PDE4D: variants seen among roughly 807,000 people sequenced by gnomAD.
PDE4D encodes 3',5'-cyclic-AMP phosphodiesterase 4D.
PDE4D carries 24 observed loss-of-function variants against 87.4 expected under a neutral mutation model. That is an observed-to-expected ratio of 0.27 (90% CI 0.20 to 0.39). The LOEUF is 0.39. Among genes scored for constraint, PDE4D ranks in the 10% least tolerant of loss-of-function variants. The probability of loss-of-function intolerance (pLI) is 1.00; values close to 1 mark genes in which losing one functional copy is unlikely to be tolerated. For synonymous variants in PDE4D, 384 were observed against 383.2 expected, an observed-to-expected ratio of 1.00 and a Z score of -0.02; for missense variants, 714 against 1,041.0, an observed-to-expected ratio of 0.69 and a Z score of 4.32.
chr5:59,536,926 C>G (rs1815383717), intron 1 of PDE4D, among the ~76,000 whole-genome samples: 1 of 152,084 alleles, frequency 6.6e-6, no homozygotes, highest in African/African-American at 2.4e-5. Context: ...CAAATATATA[C>G]TTGGTATATG....
intron 1 of PDE4D, among the ~76,000 whole-genome samples, chr5:59,574,871 T>C (rs1822869854): frequency 6.6e-6 from 1 of 152,156 alleles, no homozygotes; most frequent in South Asian, 2.1e-4. Flanking sequence ...AAACTACATA[T>C]AATGATATAA....
chr5:59,680,651 G>C (rs1316350434), intron 1 of PDE4D, among the ~76,000 whole-genome samples: 1 of 152,100 alleles, frequency 6.6e-6, no homozygotes, highest in Non-Finnish European at 1.5e-5. Flanking sequence ...CATAAATAAT[G>C]CTAAAAGTCT....
At chr5:60,356,297 T>C (rs1357077390) in intron 1 of PDE4D, among the ~76,000 whole-genome samples, 1 of 152,178 alleles carries the variant, frequency 6.6e-6, no homozygotes, top group Non-Finnish European at 1.5e-5. Flanking sequence ...CCCCAATAAT[T>C]ACCTTGAACA....
chr5:59,649,966 A>G lies in PDE4D; in HGVS notation c.455+243202T>C, dbSNP rs1580153116. The stretch of plus-strand genomic sequence containing the variant: ...CCCAATGTCACTGTAGTGTTTCTTC[A>G]GAACTGCTTAGACTTTTGTGTAGAA... On this transcript the variant is annotated intron_variant, in intron 1 of 14. Transcript: ENST00000340635. Among the ~76,000 whole-genome samples, 5 of 110,884 alleles carry G rather than the reference A, an allele frequency of 4.5e-5. 1 individual carries two copies. In the South Asian group the frequency reaches 1.5e-3, roughly 33 times the overall value. 72.7% of individuals were successfully genotyped at this position (110,884 alleles called of 152,430 possible).
At chr5:60,257,350 C>T (rs1379594474) in intron 1 of PDE4D, among the ~76,000 whole-genome samples, 2 of 151,898 alleles carry the variant, frequency 1.3e-5, no homozygotes, top group East Asian at 1.9e-4. Flanking sequence ...ACAAAACTTT[C>T]GCTATTAAGG....
At chr5:59,244,088 A>C (rs1758260136) in intron 1 of PDE4D, among the ~76,000 whole-genome samples, 2 of 152,200 alleles carry the variant, frequency 1.3e-5, no homozygotes, top group South Asian at 4.1e-4. Flanking sequence ...ATGACACGAG[A>C]AAATACTTCT....
intron 1 of PDE4D, among the ~76,000 whole-genome samples, chr5:59,560,546 A>G (rs1027805166): frequency 1.6e-4 from 25 of 152,206 alleles, no homozygotes; most frequent in African/African-American, 6.0e-4. Flanking sequence ...GGGAGAAAAG[A>G]CAGGTAAACA....
rs3816996 is a variant in PDE4D, at chr5:58,975,413, T to C, written c.2013+244A>G. Reference sequence around the variant, plus strand: ...AATAATGCCATGTGCTCTATGTATATGAATATATTAAATGAATATAGTCAT... The same window carrying C: ...AATAATGCCATGTGCTCTATGTATACGAATATATTAAATGAATATAGTCAT... On this transcript the variant is annotated intron_variant, in intron 14 of 14. Transcript: ENST00000340635. This position sits in a 1 kb window ranked among gnomAD's most constrained non-coding sequence, Gnocchi z 4.2. 6.6e-6 allele frequency among the ~76,000 whole-genome samples: 1 copy of C among 152,140 alleles called. No individual in the cohort carries two copies.
chr5:59,747,341 C>T (rs1759760940), intron 1 of PDE4D, among the ~76,000 whole-genome samples: 1 of 152,168 alleles, frequency 6.6e-6, no homozygotes, highest in Admixed American at 6.5e-5. Context: ...AGCATAATCA[C>T]TTCTTTGCAT....
chr5:59,277,012 A>G (rs1764950693), intron 1 of PDE4D, among the ~76,000 whole-genome samples: 1 of 152,104 alleles, frequency 6.6e-6, no homozygotes, highest in East Asian at 1.9e-4. Flanking sequence ...GATGTGAATT[A>G]CCAAGTGAAA....
chr5:59,638,523 A>G (rs972120748), intron 1 of PDE4D, among the ~76,000 whole-genome samples: 2 of 152,208 alleles, frequency 1.3e-5, no homozygotes, highest in African/African-American at 4.8e-5. Flanking sequence ...GCCAACACAC[A>G]TGTTTGAGAA....
In PDE4D at chr5:58,975,885, T is replaced by TA. The variant is rs538048027; in HGVS notation, c.1831-47_1831-46insT. On this transcript the variant is annotated intron_variant, in intron 13 of 14. Coordinates refer to ENST00000340635, the MANE Select transcript of PDE4D (RefSeq NM_001104631.2). The surrounding 1 kb of genome is among the most constrained non-coding windows in gnomAD (Gnocchi z 4.2). ...CTCTATTCACTCCTGTTCCTTTTTTTTAAAAAAAAAAACAAAAAAAACTAG... is the reference window on the plus strand; with the variant it reads ...CTCTATTCACTCCTGTTCCTTTTTTTATAAAAAAAAAAACAAAAAAAACTAG... 7.3e-3 allele frequency: 8,397 copies of TA among 1,152,252 alleles called. 21 individuals are homozygous for TA. Among genetic ancestry groups the TA allele is most frequent in the East Asian group, 0.017 (551 of 32,074 alleles). 71.4% of individuals were successfully genotyped at this position (1,152,252 alleles called of 1,614,324 possible).
intron 1 of PDE4D, among the ~76,000 whole-genome samples, chr5:59,862,122 T>A (rs569587303): frequency 6.6e-6 from 1 of 152,258 alleles, no homozygotes; most frequent in East Asian, 1.9e-4. Context: ...CTCCTGAGTG[T>A]TAATGCCTAA....
intron 6 of PDE4D, among the ~76,000 whole-genome samples, chr5:59,000,910 A>G (rs901325247): frequency 1.3e-5 from 2 of 151,984 alleles, no homozygotes; most frequent in African/African-American, 4.8e-5. Context: ...GCTGGTCTCA[A>G]ACTCCTGACC....
intron 1 of PDE4D, among the ~76,000 whole-genome samples, chr5:59,246,099 C>T (rs554502206): frequency 6.6e-6 from 1 of 151,576 alleles, no homozygotes; most frequent in East Asian, 1.9e-4. Context: ...TTCGAAAATC[C>T]TTTATTTTTC....
intron 1 of PDE4D, among the ~76,000 whole-genome samples, chr5:59,431,139 C>T (rs765329500): frequency 5.2e-4 from 79 of 152,042 alleles, no homozygotes; most frequent in Admixed American, 6.6e-4. Flanking sequence ...GAGAAATGCA[C>T]CTTCTACCTG....
upstream of PDE4D, among the ~76,000 whole-genome samples, chr5:59,898,435 C>A (rs568520485): frequency 5.3e-5 from 8 of 152,228 alleles, no homozygotes; most frequent in South Asian, 1.7e-3. Flanking sequence ...TATACTGATG[C>A]GGATATGTAG....
At chr5:59,230,909 G>A (rs1755034954) in intron 1 of PDE4D, among the ~76,000 whole-genome samples, 2 of 152,166 alleles carry the variant, frequency 1.3e-5, no homozygotes, top group Admixed American at 6.5e-5. Flanking sequence ...ACTGGGCAAA[G>A]CAATGATAAG....
intron 1 of PDE4D, among the ~76,000 whole-genome samples, chr5:59,684,396 C>T (rs1051451153): frequency 2.2e-4 from 33 of 152,172 alleles, no homozygotes; most frequent in African/African-American, 7.7e-4. Flanking sequence ...CTCTCGATAC[C>T]ATTTTTTTGA....
Sources: allele counts gnomAD v4.1 joint callset (sites outside exome capture counted in the v4.1 genomes callset), GRCh38; gene constraint gnomAD v4.1.1; non-coding constraint Gnocchi (gnomAD v3.1); transcripts MANE v1.5; gene names NCBI Gene and HGNC (gene_info 2026-07-23, HGNC 2026-07-21).